TUBGCP2: variants seen among roughly 807,000 people sequenced by gnomAD.
TUBGCP2 encodes gamma-tubulin complex component 2.
A neutral mutation model predicts 92.2 loss-of-function variants in TUBGCP2; 55 were observed. The ratio of observed to expected loss-of-function variants is 0.60; its 90% CI spans 0.48 to 0.75. The LOEUF is 0.75. Among genes scored for constraint, TUBGCP2 ranks in the 30% least tolerant of loss-of-function variants. The pLI, the probability that TUBGCP2 is intolerant of heterozygous loss-of-function variation, is 0.00. For missense variants in TUBGCP2, 1,093 were observed against 1,188.9 expected, an observed-to-expected ratio of 0.92 and a Z score of 1.19; for synonymous variants, 533 against 505.2, an observed-to-expected ratio of 1.06 and a Z score of -0.74.
chr10:133,306,515 C>T (rs889337078), intron 1 of TUBGCP2, among the ~76,000 whole-genome samples: 3 of 152,202 alleles, frequency 2.0e-5, no homozygotes, highest in South Asian at 2.1e-4. Context: ...ATGCTGGGCA[C>T]GGTGGCTCAC....
In TUBGCP2 at chr10:133,298,060, A is replaced by G; in HGVS notation, c.508T>C (p.Ser170Pro). ...GGGAAGATGGGGAGGTGCTGGCCTG[A>G]ATTTTTTTTGTTCTGCTTGTCTCGA... ...MLRDKQNKKN[S>P]GQHLPIFPAW... The change falls in exon 5 of 18, where the codon TCA (serine) becomes CCA (proline). Residue 170 changes from serine (S) to proline (P), a missense_variant. Coordinates refer to ENST00000252936, the MANE Select transcript of TUBGCP2 (RefSeq NM_006659.4). 6.2e-7 allele frequency: 1 copy of G among 1,614,176 alleles called. No homozygotes were observed. The highest frequency in any genetic ancestry group is 1.1e-5 in the South Asian group (1 of 91,078).
Position 133,288,871 on chromosome 10 carries a change from T to C in TUBGCP2, c.1510A>G (p.Met504Val). Residue 504 changes from methionine (M) to valine (V), a missense_variant, in exon 10 of 18, where the codon ATG becomes GTG. By Grantham distance (21) the Met-to-Val change is conservative. Transcript: ENST00000252936. The stretch of plus-strand genomic sequence containing the variant: ...TGAGCCACCAGCTCCTTCTCCTCCA[T>C]CAGGAAGTCCAGCAGCACCTTGCTG... ...YASKVLLDFL[M>V]EEKELVAHLR... is the part of the protein sequence containing the mutation. 2.5e-6 allele frequency: 4 copies of C among 1,613,464 alleles called. No homozygotes were observed. Among genetic ancestry groups the C allele is most frequent in the Non-Finnish European group, 3.4e-6 (4 of 1,179,660 alleles).
At chr10:133,307,554 G>A (rs1847854760) in intron 1 of TUBGCP2, among the ~76,000 whole-genome samples, 1 of 152,214 alleles carries the variant, frequency 6.6e-6, no homozygotes, top group African/African-American at 2.4e-5. Context: ...AGAAATGCCT[G>A]GCCAACATGG....
upstream of TUBGCP2, chr10:133,309,263 G>A: frequency 1.5e-6 from 2 of 1,357,046 alleles, no homozygotes; most frequent in Non-Finnish European, 2.0e-6. Context: ...CGTGGAGTGG[G>A]CGGGGCCTGA....
Position 133,292,652 on chromosome 10 carries a change from G to A in TUBGCP2, c.1061C>T (p.Ser354Phe). The A allele has an allele frequency of 6.2e-7, 1 of 1,614,002 alleles. No individual in the cohort carries two copies. The highest frequency in any genetic ancestry group is 8.5e-7 in the Non-Finnish European group (1 of 1,179,968). The change falls in exon 8 of 18, where the codon TCC becomes TTC. Residue 354 changes from serine to phenylalanine, a missense_variant. Physicochemically the swap from Ser to Phe is radical, Grantham distance 155 (BLOSUM62 -2). Transcript: ENST00000252936. ...SVDKGECLGG[S>F]TLSLLHDRSF... ...CCTGTCGTGGAGCAGGCTCAGCGTG[G>A]ACCCCCCAAGACATTCGCCTTTGTC...
Position 133,279,673 on chromosome 10 carries a change from G to A in TUBGCP2, c.*93C>T, listed in dbSNP as rs1290290424. ...TCCTGCTTTATATTTAAACTGCAAA[G>A]ACAGAACACAGAGCATTCGATTTGA... On this transcript the variant is annotated 3_prime_UTR_variant, in exon 18 of 18. Transcript: ENST00000252936. The A allele has an allele frequency of 4.9e-6, 7 of 1,431,758 alleles. No individual in the cohort carries two copies. Among genetic ancestry groups the A allele is most frequent in the African/African-American group, 1.5e-5 (1 of 68,056 alleles). 88.7% of individuals were successfully genotyped at this position (1,431,758 alleles called of 1,614,324 possible). A position where few individuals can be genotyped will look rare whatever the true frequency, so the allele number is the denominator to read the frequency against.
chr10:133,289,814 T>TGCGCCAAGGACCCCAGGTCCCTGCCTGCC lies in TUBGCP2; in HGVS notation c.1360+9_1360+10insGGCAGGCAGGGACCTGGGGTCCTTGGCGC, dbSNP rs765209779. 373 of 1,613,966 alleles carry TGCGCCAAGGACCCCAGGTCCCTGCCTGCC rather than the reference T, an allele frequency of 2.3e-4. No homozygotes were observed. The African/African-American group carries it at 4.4e-3, about 19-fold the overall frequency. ...CTGCGCACCCCAAGTCCCCGCCCGC[T>TGCGCCAAGGACCCCAGGTCCCTGCCTGCC]GCGCCGCACCTGTGCTGAGGATCTT... On this transcript the variant is annotated intron_variant, in intron 9 of 17. Transcript: ENST00000252936.
In TUBGCP2 at chr10:133,285,275, C is replaced by A; in HGVS notation, c.1896-62G>T. 1 of 1,604,446 alleles carries A rather than the reference C, an allele frequency of 6.2e-7. No individual in the cohort carries two copies. The highest frequency in any genetic ancestry group is 8.5e-7 in the Non-Finnish European group (1 of 1,178,950). ...GTGACCGGCGGCGTCGTGGACACGGCGTCTGTACTCCACAGTCCGCACCGT... is the reference window on the plus strand; with the variant it reads ...GTGACCGGCGGCGTCGTGGACACGGAGTCTGTACTCCACAGTCCGCACCGT... On this transcript the variant is annotated intron_variant, in intron 12 of 17. Coordinates refer to ENST00000252936, the MANE Select transcript of TUBGCP2 (RefSeq NM_006659.4). The surrounding 1 kb of genome is among the most constrained non-coding windows in gnomAD (Gnocchi z 6.8).
At position 133,299,586 on chromosome 10, in the gene TUBGCP2, T is replaced by C. The variant is rs373549189; in HGVS notation, c.297A>G (p.Gln99=). 4.3e-6 allele frequency: 7 copies of C among 1,611,172 alleles called. No individual in the cohort carries two copies. Among genetic ancestry groups the C allele is most frequent in the Non-Finnish European group, 5.9e-6 (7 of 1,178,202 alleles). ...GCTCAGCTCTTTCTTTTGCATTCTG[T>C]TGTAAGTACTGCAGAGTCTGAAAAC... The part of the protein sequence containing the change: ...TEDKETLQYL[Q]QNAKERAELA... The change falls in exon 4 of 18, where the codon CAA becomes CAG. Residue 99 remains glutamine (Q), a synonymous_variant. Transcript: ENST00000252936.
At chr10:133,294,246 C>T (rs528355867) in intron 5 of TUBGCP2, among the ~76,000 whole-genome samples, 70 of 152,366 alleles carry the variant, frequency 4.6e-4, no homozygotes, top group Non-Finnish European at 6.6e-4. Flanking sequence ...AGCTTCCTCA[C>T]GAGGACGGCC....
intron 1 of TUBGCP2, among the ~76,000 whole-genome samples, chr10:133,303,588 C>T (rs1847733057): frequency 6.6e-6 from 1 of 152,238 alleles, no homozygotes; most frequent in African/African-American, 2.4e-5. Flanking sequence ...TGACACTGTG[C>T]CAGCTACCGG....
rs1336590768 is a variant in TUBGCP2 at position 133,293,171 on chromosome 10, T to C, written c.892A>G (p.Thr298Ala). ...VNHALAAAMR[T>A]LVKEHLILVS... is the part of the protein sequence containing the mutation. The stretch of plus-strand genomic sequence containing the variant: ...AGAATCAGGTGCTCCTTCACCAGGG[T>C]GCGCATGGCGGCCGCCAGGGCGTGG... The change falls in exon 7 of 18, where the codon ACC becomes GCC. Residue 298 changes from threonine (T) to alanine (A), a missense_variant. By Grantham distance (58) the Thr-to-Ala change is moderately conservative (BLOSUM62 0). Around this residue, in one of 3 missense-constraint regions of TUBGCP2, gnomAD observed 490 missense variants for 488.5 expected, o/e 1.00. Transcript: ENST00000252936. 1.2e-6 allele frequency: 2 copies of C among 1,613,904 alleles called. No individual in the cohort carries two copies. Among genetic ancestry groups the C allele is most frequent in the Non-Finnish European group, 1.7e-6 (2 of 1,180,036 alleles).
At position 133,303,043 on chromosome 10, in the gene TUBGCP2, A is replaced by G. The variant is rs1007299525; in HGVS notation, c.-39-63T>C. ...TGTAGAAATAAAAAACATTTTTTTA[A>G]ACACTCAAGACTGGCCAATGTCAGG... On this transcript the variant is annotated intron_variant, in intron 1 of 17. Coordinates refer to ENST00000252936, the MANE Select transcript of TUBGCP2 (RefSeq NM_006659.4). The G allele has an allele frequency of 2.5e-5, 37 of 1,462,116 alleles. No homozygotes were observed. In the East Asian group the frequency reaches 8.2e-4, roughly 32 times the overall value. 90.6% of individuals were successfully genotyped at this position (1,462,116 alleles called of 1,614,324 possible). A position where few individuals can be genotyped will look rare whatever the true frequency, so the allele number is the denominator to read the frequency against.
Position 133,284,817 on chromosome 10 carries a change from G to A in TUBGCP2, c.2024+268C>T, listed in dbSNP as rs570473601. The stretch of plus-strand genomic sequence containing the variant: ...ACCGACCTGGGCAGTCTCCATGCCC[G>A]TGCAGTCACCACAAGGCTCCAGAGA... On this transcript the variant is annotated intron_variant, in intron 13 of 17. Coordinates refer to ENST00000252936, the MANE Select transcript of TUBGCP2 (RefSeq NM_006659.4). Among the ~76,000 whole-genome samples the A allele has an allele frequency of 3.9e-5, 6 of 152,358 alleles. No homozygotes were observed. The South Asian group carries it at 8.3e-4, about 21-fold the overall frequency.
upstream of TUBGCP2, chr10:133,311,891 C>G: frequency 1.2e-6 from 2 of 1,613,204 alleles, no homozygotes; most frequent in Non-Finnish European, 1.7e-6. Context: ...GTGTTCGGTG[C>G]TGAGGATTCT....
chr10:133,300,529 G>A (rs571967131), intron 2 of TUBGCP2: 2 of 166,648 alleles, frequency 1.2e-5, no homozygotes, highest in Non-Finnish European at 2.6e-5. Context: ...AGACAAGATC[G>A]TGCCACATGC....
rs1847100010 is a variant in TUBGCP2, at chr10:133,285,191, T to A, written c.1918A>T (p.Met640Leu). Residue 640 changes from methionine (M) to leucine (L), a missense_variant, in exon 13 of 18, where the codon ATG becomes TTG. Transcript: ENST00000252936. The surrounding 1 kb of genome is among the most constrained non-coding windows in gnomAD (Gnocchi z 6.8). ...INRKALTRYQMLFRHMFYCKH... is the reference protein window; with the variant it reads ...INRKALTRYQLLFRHMFYCKH... ...CAGTAGAACATGTGCCTGAAGAGCA[T>A]CTGGTAGCGAGTGAGGGCTTTCCTG... is the stretch of plus-strand genomic sequence containing the variant. The A allele has an allele frequency of 6.2e-7, 1 of 1,613,086 alleles. No individual in the cohort carries two copies.
At chr10:133,290,003 A>G (rs914810428) in intron 8 of TUBGCP2, 34 bp from the exon 9 acceptor site, 24 of 1,600,814 alleles carry the variant, frequency 1.5e-5, no homozygotes, top group Non-Finnish European at 2.0e-5. Context: ...GTCACAGGCA[A>G]AGCAAGGGCG....
At chr10:133,302,664 C>G in intron 2 of TUBGCP2, 128 bp downstream of exon 2, 1 of 1,230,014 alleles carries the variant, frequency 8.1e-7, no homozygotes, top group Non-Finnish European at 1.1e-6. Flanking sequence ...TGGTGCTCAC[C>G]CTGTACCACC....
Sources: allele counts gnomAD v4.1 joint callset (sites outside exome capture counted in the v4.1 genomes callset), GRCh38; gene constraint gnomAD v4.1.1; regional missense constraint gnomAD v4.1.1; non-coding constraint Gnocchi (gnomAD v3.1); transcripts MANE v1.5; gene names NCBI Gene and HGNC (gene_info 2026-07-23, HGNC 2026-07-21).